BCL11A: variants seen among roughly 807,000 people sequenced by gnomAD.
BCL11A encodes the protein BCL11 transcription factor A.
BCL11A carries 2 observed loss-of-function variants against 55.9 expected under a neutral mutation model. That is an observed-to-expected ratio of 0.04 (90% CI 0.01 to 0.11). The LOEUF is 0.11. BCL11A is among the 10% of genes least tolerant of loss of function. The probability of loss-of-function intolerance (pLI) is 1.00; values close to 1 mark genes in which losing one functional copy is unlikely to be tolerated. For synonymous variants in BCL11A, 465 were observed against 473.4 expected (o/e 0.98, Z 0.23); for missense variants, 817 against 1,137.1 (o/e 0.72, Z 4.05).
intron 2 of BCL11A, among the ~76,000 whole-genome samples, chr2:60,488,943 A>G (rs1471176592): frequency 6.6e-6 from 1 of 152,146 alleles, no homozygotes; most frequent in Non-Finnish European, 1.5e-5. Flanking sequence ...TATTTTTGGT[A>G]GAGACGGGGT....
intron 2 of BCL11A, chr2:60,484,022 C>T (rs1161871759): frequency 1.3e-5 from 2 of 152,132 alleles, no homozygotes; most frequent in Non-Finnish European, 2.9e-5. Flanking sequence ...GGGGTCTTGT[C>T]GAACAGCTTT....
In BCL11A at chr2:60,553,351, G is replaced by A; in HGVS notation, c.-81C>T. ...GCTCGGTTCACATCGGGAGAGCCGG[G>A]TTAGAAAGAAGGAGACTCCAGAGAA... is the stretch of plus-strand genomic sequence containing the variant. On this transcript the variant is annotated 5_prime_UTR_variant, in exon 1 of 4. Transcript: ENST00000642384. 6.9e-7 allele frequency: 1 copy of A among 1,443,342 alleles called. No individual in the cohort carries two copies. The highest frequency in any genetic ancestry group is 9.3e-7 in the Non-Finnish European group (1 of 1,069,666). 89.4% of individuals were successfully genotyped at this position (1,443,342 alleles called of 1,614,324 possible).
intron 2 of BCL11A, among the ~76,000 whole-genome samples, chr2:60,505,145 C>CAA (rs373984962): frequency 6.7e-6 from 1 of 148,396 alleles, no homozygotes; most frequent in African/African-American, 2.5e-5. Flanking sequence ...AGGGCTTACT[C>CAA]AAAAAAAAAA....
chr2:60,467,108 G>T (rs1357075391), intron 3 of BCL11A, among the ~76,000 whole-genome samples: 1 of 143,522 alleles, frequency 7.0e-6, no homozygotes. Flanking sequence ...GATGGTGGTG[G>T]TAGTGGTGGT....
intron 2 of BCL11A, among the ~76,000 whole-genome samples, chr2:60,519,539 T>TTACC (rs1553346821): frequency 2.0e-5 from 3 of 147,634 alleles, no homozygotes; most frequent in Admixed American, 2.0e-4. Context: ...AGGTCCTCAC[T>TTACC]TGCCTGCCTG....
chr2:60,529,003 C>G (rs1235699652), intron 2 of BCL11A, among the ~76,000 whole-genome samples: 2 of 152,188 alleles, frequency 1.3e-5, no homozygotes, highest in Non-Finnish European at 2.9e-5. Context: ...CCCAGAGTAA[C>G]TGTGTCACAC....
chr2:60,452,235 T>TG (rs2103740251), downstream of BCL11A: 1 of 258,730 alleles, frequency 3.9e-6, no homozygotes, highest in East Asian at 5.7e-5. Context: ...AACAAGGGGT[T>TG]GGGGACTCAT....
At chr2:60,507,090 T>C (rs143286052) in intron 2 of BCL11A, among the ~76,000 whole-genome samples, 115 of 152,114 alleles carry the variant, frequency 7.6e-4, no homozygotes, top group South Asian at 6.2e-3. Flanking sequence ...TCTGAAATAC[T>C]GTCTTTGACC....
In BCL11A at chr2:60,458,301, G is replaced by A. The variant is rs1241594960; in HGVS notation, c.*2103C>T. ...TTTTTTTTTTTACAACCTGAAGAGCGGTGTGTATCCAAGGCATAGAATTTC... is the reference window on the plus strand; with the variant it reads ...TTTTTTTTTTTACAACCTGAAGAGCAGTGTGTATCCAAGGCATAGAATTTC... On this transcript the variant is annotated 3_prime_UTR_variant, in exon 4 of 4. Coordinates refer to ENST00000642384, the MANE Select transcript of BCL11A (RefSeq NM_022893.4). The A allele has an allele frequency of 1.3e-5, 13 of 1,024,170 alleles. No individual in the cohort carries two copies. The highest frequency in any genetic ancestry group is 5.9e-5 in the Admixed American group (1 of 17,040). 63.4% of individuals were successfully genotyped at this position (1,024,170 alleles called of 1,614,324 possible).
At chr2:60,541,915 T>G in intron 2 of BCL11A, 1 of 710,526 alleles carries the variant, frequency 1.4e-6, no homozygotes, top group Non-Finnish European at 2.6e-6. Context: ...CATCCTCCAG[T>G]TCAGTCTGAG....
chr2:60,519,095 T>A (rs1668860384), intron 2 of BCL11A, among the ~76,000 whole-genome samples: 1 of 152,170 alleles, frequency 6.6e-6, no homozygotes, highest in Admixed American at 6.5e-5. Flanking sequence ...ACAGGGAGTC[T>A]CTGGTAGGTA....
chr2:60,494,647 A>C (rs1474188197), intron 2 of BCL11A, among the ~76,000 whole-genome samples: 2 of 152,248 alleles, frequency 1.3e-5, no homozygotes, highest in Non-Finnish European at 2.9e-5. Flanking sequence ...TTCAGCTGGA[A>C]TTTAAAATAT....
chr2:60,524,607 TAA>T (rs984442367), intron 2 of BCL11A: 17 of 152,254 alleles, frequency 1.1e-4, no homozygotes, highest in African/African-American at 3.9e-4. Flanking sequence ...CATTATAAAT[TAA>T]AGAGGCAGTA....
chr2:60,481,425 C>T (rs890371740), intron 2 of BCL11A, among the ~76,000 whole-genome samples: 5 of 152,180 alleles, frequency 3.3e-5, no homozygotes, highest in Admixed American at 6.5e-5. Context: ...TGCTTTGCGG[C>T]TTTAACGCAC....
chr2:60,467,186 GTGATGGTGGTGGTGA>G (rs1474650358), intron 3 of BCL11A, among the ~76,000 whole-genome samples: 1 of 136,274 alleles, frequency 7.3e-6, no homozygotes, highest in Non-Finnish European at 1.6e-5. Context: ...GGTGGTGGTG[GTGATGGTGGTGGTGA>G]TGGCGGTGAT....
intron 2 of BCL11A, among the ~76,000 whole-genome samples, chr2:60,510,852 A>C (rs1679941515): frequency 6.6e-6 from 1 of 152,218 alleles, no homozygotes; most frequent in Non-Finnish European, 1.5e-5. Flanking sequence ...ACAGGCCCTG[A>C]GACCCACAGG....
intron 2 of BCL11A, among the ~76,000 whole-genome samples, chr2:60,479,221 CACA>C (rs1251781180): frequency 6.6e-6 from 1 of 152,224 alleles, no homozygotes; most frequent in African/African-American, 2.4e-5. Context: ...CAACCAACAG[CACA>C]ACATCTTCAA....
chr2:60,454,022 C>T (rs551482143), downstream of BCL11A, among the ~76,000 whole-genome samples: 59 of 151,994 alleles, frequency 3.9e-4, no homozygotes, highest in African/African-American at 1.1e-3. Context: ...CCGTAGATGA[C>T]GCTGGGAAAT....
In BCL11A at chr2:60,461,313, G is replaced by T. The variant is rs368418687; in HGVS notation, c.1599C>A (p.Val533=). ...CGCGGCTCTCGTCGCCCACGCCCAC[G>T]ACCGCGCCCCGCGAGCTGTTCTCGT... ...RHHENSSRGA[V]VGVGDESRAL... Residue 533 remains valine (V), a synonymous_variant, in exon 4 of 4, where the codon GTC becomes GTA. Coordinates refer to ENST00000642384, the MANE Select transcript of BCL11A (RefSeq NM_022893.4). 1 of 1,600,552 alleles carries T rather than the reference G, an allele frequency of 6.2e-7. No homozygotes were observed. The highest frequency in any genetic ancestry group is 8.5e-7 in the Non-Finnish European group (1 of 1,178,086).
Sources: gnomAD v4.1 joint callset for allele counts (sites outside exome capture counted in the v4.1 genomes callset) on GRCh38, gnomAD v4.1.1 for gene constraint, MANE v1.5 for transcripts, NCBI Gene and HGNC (gene_info 2026-07-23, HGNC 2026-07-21) for gene names.